PDIA5: variants seen among roughly 807,000 people sequenced by gnomAD.
PDIA5 encodes protein disulfide isomerase family A member 5.
Under a neutral mutation model 77.6 loss-of-function variants are expected in PDIA5, and 58 were observed. That is an observed-to-expected ratio of 0.75 (90% confidence interval 0.61 to 0.93). PDIA5 has a LOEUF of 0.93. Ranked by LOEUF, PDIA5 falls within the 40% of genes least tolerant of loss-of-function variation. The probability of loss-of-function intolerance (pLI) is 0.00; values close to 1 mark genes in which losing one functional copy is unlikely to be tolerated. For synonymous variants in PDIA5, 250 were observed against 252.1 expected, an observed-to-expected ratio of 0.99 and a Z score of 0.08; for missense variants, 630 against 647.7, an observed-to-expected ratio of 0.97 and a Z score of 0.30.
rs557906089 is a variant in PDIA5, at chr3:123,108,979, G to A, written c.481-1965G>A. On this transcript the variant is annotated intron_variant, in intron 6 of 16. Coordinates refer to ENST00000316218, the MANE Select transcript of PDIA5 (RefSeq NM_006810.4). ...CCATGGAAATACAAACAGCCTAAAC[G>A]GAGTGCTGCTCCTGTAATGATGAAT... is the stretch of plus-strand genomic sequence containing the variant. 8.5e-5 allele frequency among the ~76,000 whole-genome samples: 13 copies of A among 152,266 alleles called. No homozygotes were observed. In the South Asian group the frequency reaches 1.5e-3, roughly 17 times the overall value.
intron 5 of PDIA5, among the ~76,000 whole-genome samples, chr3:123,104,191 G>C (rs982146742): frequency 2.0e-5 from 3 of 152,176 alleles, no homozygotes; most frequent in Non-Finnish European, 4.4e-5. Context: ...GCATCAACAA[G>C]GTGAAGAAGT....
At chr3:123,069,626 GA>G (rs908364814) in intron 1 of PDIA5, among the ~76,000 whole-genome samples, 15 of 152,248 alleles carry the variant, frequency 9.9e-5, no homozygotes, top group African/African-American at 3.6e-4. Flanking sequence ...ATTCTCATAT[GA>G]TAGAAAGAAG....
chr3:123,159,382 G>A (rs1444028960), intron 15 of PDIA5, among the ~76,000 whole-genome samples: 12 of 152,170 alleles, frequency 7.9e-5, no homozygotes, highest in South Asian at 2.1e-4. Flanking sequence ...GGTGGGCTGC[G>A]GTTATCAGAA....
At chr3:123,130,387 C>T (rs575696179) in intron 10 of PDIA5, 93 bp from the exon 11 acceptor site, 3 of 1,400,046 alleles carry the variant, frequency 2.1e-6, no homozygotes, top group Non-Finnish European at 2.9e-6. Context: ...CGTCCCGAGC[C>T]CATGGGGAGC....
At chr3:123,083,651 A>T (rs1934066749) in intron 1 of PDIA5, among the ~76,000 whole-genome samples, 1 of 152,140 alleles carries the variant, frequency 6.6e-6, no homozygotes, top group Admixed American at 6.5e-5. Context: ...CACTTCTCAA[A>T]TCCTGCCCTC....
At chr3:123,129,431 G>A (rs1052554351) in intron 10 of PDIA5, among the ~76,000 whole-genome samples, 3 of 152,208 alleles carry the variant, frequency 2.0e-5, no homozygotes, top group Non-Finnish European at 4.4e-5. Flanking sequence ...GGAGGGAAGT[G>A]GGTGGCAGAG....
intron 1 of PDIA5, among the ~76,000 whole-genome samples, chr3:123,071,734 A>C (rs1489879952): frequency 6.6e-6 from 1 of 152,134 alleles, no homozygotes; most frequent in East Asian, 1.9e-4. Context: ...GGAAAGAGCA[A>C]GGTGTGGACT....
Position 123,162,007 on chromosome 3 carries a change from G to C in PDIA5, c.*47G>C, listed in dbSNP as rs553812587. 1.8e-6 allele frequency: 2 copies of C among 1,086,690 alleles called. No individual in the cohort carries two copies. The highest frequency in any genetic ancestry group is 2.7e-5 in the South Asian group (2 of 75,034). The allele number at this position is 1,086,690 out of a possible 1,614,324, so 67.3% of individuals were successfully genotyped here. On this transcript the variant is annotated 3_prime_UTR_variant, in exon 17 of 17. Transcript: ENST00000316218. Reference sequence around the variant, plus strand: ...TTCCATTACACTGTGAATGATACCTGTTTTGTTGTTTCTGAATTTCCACAT... The same window carrying C: ...TTCCATTACACTGTGAATGATACCTCTTTTGTTGTTTCTGAATTTCCACAT...
chr3:123,116,119 A>G (rs1030461844), intron 7 of PDIA5, 112 bp from the exon 8 acceptor site: 13 of 864,314 alleles, frequency 1.5e-5, no homozygotes, highest in Non-Finnish European at 2.6e-5. Flanking sequence ...TGAGCTTCTC[A>G]AGGCTGGATA....
chr3:123,117,640 G>C (rs1935028232), intron 8 of PDIA5, among the ~76,000 whole-genome samples: 1 of 151,786 alleles, frequency 6.6e-6, no homozygotes, highest in African/African-American at 2.4e-5. Flanking sequence ...CATCCATGTA[G>C]CATGTCATAG....
intron 1 of PDIA5, among the ~76,000 whole-genome samples, chr3:123,068,138 G>C (rs9847572): frequency 0.13 from 19,483 of 152,056 alleles, 1,477 homozygotes; most frequent in Non-Finnish European, 0.17. Context: ...TAACTTATGC[G>C]CTCCCTTATT....
At chr3:123,123,061 G>A (rs1935156828) in intron 8 of PDIA5, among the ~76,000 whole-genome samples, 1 of 152,154 alleles carries the variant, frequency 6.6e-6, no homozygotes, top group African/African-American at 2.4e-5. Context: ...GATCGCTTGA[G>A]CCCAGGAGTT....
At chr3:123,107,462 G>A (rs1400554015) in intron 6 of PDIA5, among the ~76,000 whole-genome samples, 1 of 152,156 alleles carries the variant, frequency 6.6e-6, no homozygotes, top group Non-Finnish European at 1.5e-5. Flanking sequence ...GGCCGAGGCA[G>A]GAGGATCGCT....
chr3:123,158,444 AG>A (rs1391410536), intron 15 of PDIA5, among the ~76,000 whole-genome samples: 1 of 152,158 alleles, frequency 6.6e-6, no homozygotes, highest in African/African-American at 2.4e-5. Flanking sequence ...AAGTGATCTC[AG>A]GAAGTTCAGA....
intron 14 of PDIA5, among the ~76,000 whole-genome samples, chr3:123,152,103 T>TCCTG (rs1256312941): frequency 2.7e-3 from 25 of 9,360 alleles, no homozygotes; most frequent in African/African-American, 0.019. Context: ...CTTCCTGCCT[T>TCCTG]CCTTCCTTCC....
rs1276900040 is a variant in PDIA5 at position 123,111,014 on chromosome 3, C to CT, written c.541+13dup. ...ATGTTTTATGCCCCCTGTGAGTGAA[C>CT]TTTCTCCCTTGGGCCAGAGCTAGTT... is the stretch of plus-strand genomic sequence containing the variant. On this transcript the variant is annotated intron_variant, in intron 7 of 16. Transcript: ENST00000316218. 1.9e-6 allele frequency: 3 copies of CT among 1,608,200 alleles called. No individual in the cohort carries two copies. The Admixed American group carries it at 5.0e-5, about 27-fold the overall frequency.
In PDIA5 at chr3:123,115,353, T is replaced by G. The variant is rs542842057; in HGVS notation, c.542-878T>G. Among the ~76,000 whole-genome samples, 7 of 152,302 alleles carry G rather than the reference T, an allele frequency of 4.6e-5. No homozygotes were observed. The South Asian group carries it at 1.5e-3, about 32-fold the overall frequency. ...AAGGTCACTCTAAAGTTTTAGTGGA[T>G]GTTTGGGACCTGGCCTTCCTGGTCG... On this transcript the variant is annotated intron_variant, in intron 7 of 16. Transcript: ENST00000316218.
At chr3:123,113,192 T>A (rs1458765172) in intron 7 of PDIA5, among the ~76,000 whole-genome samples, 2 of 152,130 alleles carry the variant, frequency 1.3e-5, no homozygotes, top group African/African-American at 4.8e-5. Flanking sequence ...CTCAACACAT[T>A]GGTTAAATGA....
At chr3:123,148,960 G>A (rs1463261964) in intron 13 of PDIA5, among the ~76,000 whole-genome samples, 1 of 152,246 alleles carries the variant, frequency 6.6e-6, no homozygotes, top group Non-Finnish European at 1.5e-5. Context: ...CAGGCTGTGG[G>A]TAACTGAGAT....
Sources: gnomAD v4.1 joint callset for allele counts (sites outside exome capture counted in the v4.1 genomes callset) on GRCh38, gnomAD v4.1.1 for gene constraint, MANE v1.5 for transcripts, NCBI Gene and HGNC (gene_info 2026-07-23, HGNC 2026-07-21) for gene names.